WDR48: variants seen among roughly 807,000 people sequenced by gnomAD.
WDR48 encodes WD repeat domain 48, also known as WD repeat-containing protein 48.
Under a neutral mutation model 94.0 loss-of-function variants are expected in WDR48, and 22 were observed. That is an observed-to-expected ratio of 0.23 (90% CI 0.17 to 0.33). The LOEUF is 0.33. Among genes scored for constraint, WDR48 ranks in the 10% least tolerant of loss-of-function variants. The pLI is 1.00. For missense variants in WDR48, 541 were observed against 813.8 expected, an observed-to-expected ratio of 0.66 and a Z score of 4.08; for synonymous variants, 278 against 280.5, an observed-to-expected ratio of 0.99 and a Z score of 0.09.
Position 39,075,695 on chromosome 3 carries a change from A to G in WDR48, c.897+745A>G, listed in dbSNP as rs547713372. 2.7e-3 allele frequency among the ~76,000 whole-genome samples: 409 copies of G among 151,952 alleles called. 2 individuals carry two copies. Among genetic ancestry groups the G allele is most frequent in the African/African-American group, 9.3e-3 (387 of 41,438 alleles). ...AAAACAACAGTGAAGAAGTTTCCAA[A>G]ATTTTTTTTTTTTTTTGAGACGGAG... On this transcript the variant is annotated intron_variant, in intron 8 of 18. Coordinates refer to ENST00000302313, the MANE Select transcript of WDR48 (RefSeq NM_020839.4).
intron 1 of WDR48, among the ~76,000 whole-genome samples, chr3:39,055,655 A>C (rs2032829865): frequency 6.6e-6 from 1 of 152,202 alleles, no homozygotes; most frequent in Non-Finnish European, 1.5e-5. Flanking sequence ...AACATAATCA[A>C]ATATGTGAAT....
At chr3:39,093,116 G>T in intron 17 of WDR48, among the ~76,000 whole-genome samples, 1 of 152,146 alleles carries the variant, frequency 6.6e-6, no homozygotes, top group Non-Finnish European at 1.5e-5. Context: ...CCAACCAGCT[G>T]TTGGGTTTGT....
intron 8 of WDR48, among the ~76,000 whole-genome samples, chr3:39,076,602 GATTCCGCTTGTGTAA>G (rs2034236146): frequency 6.6e-6 from 1 of 152,196 alleles, no homozygotes; most frequent in African/African-American, 2.4e-5. Context: ...AATGTAGAGT[GATTCCGCTTGTGTAA>G]TATATACATG....
chr3:39,064,039 G>A (rs563552901), intron 2 of WDR48, among the ~76,000 whole-genome samples: 38 of 152,282 alleles, frequency 2.5e-4, no homozygotes, highest in African/African-American at 7.5e-4. Context: ...CTTAAGCAGG[G>A]AACAGGGTTT....
At chr3:39,092,847 C>T (rs1406241841) in intron 17 of WDR48, among the ~76,000 whole-genome samples, 4 of 151,308 alleles carry the variant, frequency 2.6e-5, no homozygotes, top group Non-Finnish European at 5.9e-5. Flanking sequence ...TCACCTATAC[C>T]TCTACCTGCC....
At chr3:39,067,524 T>G (rs1185134350) in intron 5 of WDR48, among the ~76,000 whole-genome samples, 3 of 152,160 alleles carry the variant, frequency 2.0e-5, no homozygotes, top group African/African-American at 4.8e-5. Context: ...AAGTCTAGAT[T>G]TGAAATTGAG....
intron 1 of WDR48, among the ~76,000 whole-genome samples, chr3:39,060,347 G>A (rs2033174488): frequency 6.6e-6 from 1 of 151,688 alleles, no homozygotes; most frequent in Non-Finnish European, 1.5e-5. Flanking sequence ...TAAAATATGT[G>A]GCTTCTTTCA....
intron 8 of WDR48, among the ~76,000 whole-genome samples, chr3:39,076,760 G>A (rs1292015817): frequency 6.6e-6 from 1 of 152,168 alleles, no homozygotes; most frequent in African/African-American, 2.4e-5. Context: ...TTTTACTTCA[G>A]ACATTTTCAA....
chr3:39,081,272 G>C (rs1418141718), intron 11 of WDR48, among the ~76,000 whole-genome samples: 4 of 152,188 alleles, frequency 2.6e-5, no homozygotes, highest in African/African-American at 9.7e-5. Context: ...ATGAACTAAA[G>C]AATAAGACAG....
Position 39,084,671 on chromosome 3 carries a change from T to C in WDR48, c.1308T>C (p.Ser436=). 6.2e-7 allele frequency: 1 copy of C among 1,613,958 alleles called. No individual in the cohort carries two copies. Among genetic ancestry groups the C allele is most frequent in the Non-Finnish European group, 8.5e-7 (1 of 1,179,934 alleles). ...TGTTAACTATTACTTTGGATGAAAG[T>C]GATTGTTTTGCTGCCTGGGTTTCTG... ...TGMLTITLDE[S]DCFAAWVSAK... The change falls in exon 13 of 19, where the codon AGT becomes AGC. Residue 436 remains serine (S), a synonymous_variant. Coordinates refer to ENST00000302313, the MANE Select transcript of WDR48 (RefSeq NM_020839.4).
In WDR48 at chr3:39,063,463, G is replaced by GT. The variant is rs1443588837; in HGVS notation, c.189+274dup. Among the ~76,000 whole-genome samples the GT allele has an allele frequency of 2.0e-5, 3 of 152,336 alleles. No individual in the cohort carries two copies. The East Asian group carries it at 5.8e-4, about 29-fold the overall frequency. On this transcript the variant is annotated intron_variant, in intron 2 of 18. Coordinates refer to ENST00000302313, the MANE Select transcript of WDR48 (RefSeq NM_020839.4). Reference sequence around the variant, plus strand: ...ACAAAGGAACAAAGTGATTTGGCTAGTAGGGGGATTACTTTCAACAATTAA... The same window carrying GT: ...ACAAAGGAACAAAGTGATTTGGCTAGTTAGGGGGATTACTTTCAACAATTAA...
At chr3:39,088,014 T>TA in intron 14 of WDR48, 114 bp from the exon 15 acceptor site, 1 of 957,266 alleles carries the variant, frequency 1.0e-6, no homozygotes. Flanking sequence ...CTGGTGGACT[T>TA]AGAGGACATT....
intron 7 of WDR48, among the ~76,000 whole-genome samples, chr3:39,074,244 A>G (rs1284200143): frequency 1.3e-5 from 2 of 152,220 alleles, no homozygotes; most frequent in Non-Finnish European, 2.9e-5. Context: ...CCAGGTAGAG[A>G]GGACAAAGGC....
At chr3:39,066,918 A>G in intron 5 of WDR48, 43 bp downstream of exon 5, 2 of 1,590,996 alleles carry the variant, frequency 1.3e-6, no homozygotes, top group East Asian at 4.5e-5. Flanking sequence ...GATCCAAGTT[A>G]ACATAAATAA....
At chr3:39,072,522 A>G (rs1370677786) in intron 7 of WDR48, among the ~76,000 whole-genome samples, 1 of 151,934 alleles carries the variant, frequency 6.6e-6, no homozygotes, top group African/African-American at 2.4e-5. Flanking sequence ...TCCCGGGAAC[A>G]CTCCTGTTGG....
chr3:39,062,985 T>G, intron 1 of WDR48, 65 bp from the exon 2 acceptor site: 2 of 1,579,160 alleles, frequency 1.3e-6, no homozygotes, highest in South Asian at 2.3e-5. Flanking sequence ...TGGCCACTAG[T>G]AGACTATATT....
intron 5 of WDR48, among the ~76,000 whole-genome samples, chr3:39,067,522 A>T (rs1440137299): frequency 6.6e-6 from 1 of 152,158 alleles, no homozygotes; most frequent in Non-Finnish European, 1.5e-5. Context: ...ACAAGTCTAG[A>T]TTTGAAATTG....
At chr3:39,072,959 G>A (rs952861020) in intron 7 of WDR48, among the ~76,000 whole-genome samples, 5 of 152,190 alleles carry the variant, frequency 3.3e-5, no homozygotes, top group African/African-American at 9.7e-5. Flanking sequence ...TGATAAAACT[G>A]TGTTTCCTTA....
chr3:39,063,419 C>T (rs1212734166), intron 2 of WDR48, among the ~76,000 whole-genome samples: 1 of 152,096 alleles, frequency 6.6e-6, no homozygotes, highest in Non-Finnish European at 1.5e-5. Context: ...ACTAGGTTTG[C>T]CTTACAGAGT....
Sources: allele counts gnomAD v4.1 joint callset (sites outside exome capture counted in the v4.1 genomes callset), GRCh38; gene constraint gnomAD v4.1.1; transcripts MANE v1.5; gene names NCBI Gene and HGNC (gene_info 2026-07-23, HGNC 2026-07-21).